Variants in CFAP99 observed in about 807,000 individuals in gnomAD.
CFAP99 encodes the protein cilia- and flagella-associated protein 99.
A neutral mutation model predicts 82.7 loss-of-function variants in CFAP99; 84 were observed. The observed-to-expected ratio is 1.02, with a 90% confidence interval of 0.85 to 1.22. CFAP99 has a LOEUF of 1.22. Ranked by LOEUF, CFAP99 falls within the 50% of genes most tolerant of loss-of-function variation. The pLI is 0.00. For synonymous variants in CFAP99, 456 were observed against 429.5 expected, an observed-to-expected ratio of 1.06 and a Z score of -0.76; for missense variants, 1,059 against 983.5, an observed-to-expected ratio of 1.08 and a Z score of -1.03.
intron 4 of CFAP99, among the ~76,000 whole-genome samples, chr4:2,442,882 C>T (rs1036183751): frequency 2.1e-5 from 3 of 144,400 alleles, no homozygotes; most frequent in Non-Finnish European, 3.0e-5. Flanking sequence ...GCAGGGAGCT[C>T]ACTGGGGGTG....
At chr4:2,440,546 G>C (rs914047119) in intron 4 of CFAP99, among the ~76,000 whole-genome samples, 5 of 151,928 alleles carry the variant, frequency 3.3e-5, no homozygotes, top group African/African-American at 1.2e-4. Context: ...GAGCCCAGGA[G>C]ATCAAGACCA....
chr4:2,460,204 G>A lies in CFAP99; in HGVS notation c.1623G>A (p.Ser541=), dbSNP rs746230298. Residue 541 remains serine (S), a synonymous_variant, in exon 14 of 15, where the codon TCG becomes TCA. Coordinates refer to ENST00000635017, the Ensembl canonical transcript of CFAP99. The stretch of plus-strand genomic sequence containing the variant: ...TGCAGAACATGGTGGAGCAGATCTC[G>A]CTGTGCCGTGCAGCCATGGGGAGAT... The A allele has an allele frequency of 1.2e-4, 178 of 1,536,018 alleles. No homozygotes were observed. The Middle Eastern group carries it at 1.2e-3, about 10-fold the overall frequency.
chr4:2,451,049 T>C (rs1417058794), intron 9 of CFAP99, 31 bp downstream of exon 9: 3 of 1,522,880 alleles, frequency 2.0e-6, no homozygotes, highest in East Asian at 4.9e-5. Flanking sequence ...GTCAGGCTGC[T>C]CTCCCTGGGC....
intron 11 of CFAP99, among the ~76,000 whole-genome samples, chr4:2,457,521 G>A (rs1440008422): frequency 6.6e-6 from 1 of 152,204 alleles, no homozygotes; most frequent in East Asian, 1.9e-4. Context: ...GGCTGCCCCT[G>A]GCCCCTGAGT....
chr4:2,449,126 T>G (rs1734242344), intron 6 of CFAP99, among the ~76,000 whole-genome samples: 1 of 152,030 alleles, frequency 6.6e-6, no homozygotes, highest in Non-Finnish European at 1.5e-5. Context: ...CAGGGATATC[T>G]AGGCCGGCCC....
At position 2,446,742 on chromosome 4, in the gene CFAP99, C is replaced by T. The variant is rs1038050137; in HGVS notation, c.642+1434C>T. ...AGCCTAGTCATGGCTCAAAGCAGAA[C>T]CTCAGTAAATACCAGTTGGATGGAT... is the stretch of plus-strand genomic sequence containing the variant. On this transcript the variant is annotated intron_variant, in intron 6 of 14. Transcript: ENST00000635017. The surrounding 1 kb of genome is among the most constrained non-coding windows in gnomAD (Gnocchi z 5.0). 6.6e-6 allele frequency among the ~76,000 whole-genome samples: 1 copy of T among 152,126 alleles called. No homozygotes were observed. Among genetic ancestry groups the T allele is most frequent in the South Asian group, 2.1e-4 (1 of 4,826 alleles).
At chr4:2,458,833 G>T in exon 12 of CFAP99, 2 of 1,535,794 alleles carry the variant, frequency 1.3e-6, no homozygotes. Flanking sequence ...AGGCGGCCCA[G>T]ACGAAGCTCG....
At chr4:2,440,015 G>A (rs113068008) in intron 4 of CFAP99, among the ~76,000 whole-genome samples, 118 of 150,980 alleles carry the variant, frequency 7.8e-4, no homozygotes, top group Admixed American at 6.0e-4. Flanking sequence ...GCTAATTTTT[G>A]TATTTTAGTA....
At chr4:2,444,917 G>A (rs3128842) in intron 5 of CFAP99, among the ~76,000 whole-genome samples, 115,736 of 151,992 alleles carry the variant, frequency 0.76, 44,183 homozygotes, top group Admixed American at 0.79. Context: ...TCTGTACAAG[G>A]GGACTGCGTC....
At chr4:2,438,212 G>T (rs1733961146) in intron 4 of CFAP99, 48 bp downstream of exon 4, 2 of 1,083,142 alleles carry the variant, frequency 1.8e-6, no homozygotes, top group East Asian at 5.2e-5. Context: ...CACGGGTGAG[G>T]TCCGTCTGAT....
rs141923262 is a variant in CFAP99 at position 2,444,447 on chromosome 4, C to T, written c.465-684C>T. Among the ~76,000 whole-genome samples the T allele has an allele frequency of 1.6e-4, 24 of 152,332 alleles. No individual in the cohort carries two copies. The East Asian group carries it at 4.6e-3, about 29-fold the overall frequency. ...TTGCTATGGGCCCTGGACCATGGCT[C>T]TTAAGGTGAGGGAGGAGCTATTTGA... On this transcript the variant is annotated intron_variant, in intron 5 of 14. Transcript: ENST00000635017.
intron 14 of CFAP99, among the ~76,000 whole-genome samples, chr4:2,460,481 C>T (rs779961101): frequency 1.3e-5 from 2 of 152,214 alleles, no homozygotes; most frequent in Non-Finnish European, 2.9e-5. Context: ...GTCATTTTTG[C>T]ACCCAGCTCA....
In CFAP99 at chr4:2,456,416, C is replaced by T. The variant is rs1289730019; in HGVS notation, c.1162-2307C>T. 2.0e-5 allele frequency among the ~76,000 whole-genome samples: 3 copies of T among 152,060 alleles called. 1 individual carries two copies. On this transcript the variant is annotated intron_variant, in intron 11 of 14. Transcript: ENST00000635017. Reference sequence around the variant, plus strand: ...TTATGGCTGGATGCGGTGGCTCACACCTGTAGTCACGGCACTTTGGGAGGC... The same window carrying T: ...TTATGGCTGGATGCGGTGGCTCACATCTGTAGTCACGGCACTTTGGGAGGC...
chr4:2,438,197 A>T (rs1371487431), intron 4 of CFAP99, 33 bp downstream of exon 4: 1 of 1,307,432 alleles, frequency 7.6e-7, no homozygotes, highest in East Asian at 2.5e-5. Context: ...CCAGGCCACG[A>T]GGCCCACGGG....
At chr4:2,454,581 C>CTTTTTTTTTTTTTTTTTTTTTTTT (rs200727697) in intron 11 of CFAP99, among the ~76,000 whole-genome samples, 16 of 94,704 alleles carry the variant, frequency 1.7e-4, no homozygotes, top group Non-Finnish European at 2.1e-4. Context: ...TGTTTTTTTT[C>CTTTTTTTTTTTTTTTTTTTTTTTT]TTTTTTTTTT....
rs375192359 is a variant in CFAP99 at position 2,462,448 on chromosome 4, A to C, written c.1667A>C (p.Glu556Ala). The change falls in exon 15 of 15, where the codon GAG becomes GCG. Residue 556 changes from glutamate (E) to alanine (A), a missense_variant. Transcript: ENST00000635017. The surrounding 1 kb of genome is among the most constrained non-coding windows in gnomAD (Gnocchi z 4.1). ...CCCGCCGCGTCGCCCGCCAGGTGGGAGGAAAAGAAGGCCCTTGCGGCGGCC... is the reference window on the plus strand; with the variant it reads ...CCCGCCGCGTCGCCCGCCAGGTGGGCGGAAAAGAAGGCCCTTGCGGCGGCC... 13 of 1,454,088 alleles carry C rather than the reference A, an allele frequency of 8.9e-6. No individual in the cohort carries two copies. The African/African-American group carries it at 1.2e-4, about 13-fold the overall frequency. The allele number at this position is 1,454,088 out of a possible 1,614,324, so 90.1% of individuals were successfully genotyped here. A position where few individuals can be genotyped will look rare whatever the true frequency, so the allele number is the denominator to read the frequency against.
chr4:2,429,700 T>C (rs1733758744), intron 2 of CFAP99, among the ~76,000 whole-genome samples: 1 of 151,956 alleles, frequency 6.6e-6, no homozygotes, highest in Non-Finnish European at 1.5e-5. Context: ...CACGCCATTC[T>C]CCTGCCTCAG....
At chr4:2,453,652 T>A (rs1188576076) in intron 11 of CFAP99, among the ~76,000 whole-genome samples, 2 of 40,030 alleles carry the variant, frequency 5.0e-5, no homozygotes, top group Admixed American at 6.4e-4. Context: ...CACATATACA[T>A]ATATAAATGA....
At chr4:2,433,404 A>G (rs1733839652) in intron 2 of CFAP99, among the ~76,000 whole-genome samples, 2 of 149,466 alleles carry the variant, frequency 1.3e-5, no homozygotes, top group Admixed American at 1.3e-4. Flanking sequence ...CTCCTCTGAC[A>G]AGATGTTGTC....
Sources: gnomAD v4.1 joint callset for allele counts (sites outside exome capture counted in the v4.1 genomes callset) on GRCh38, gnomAD v4.1.1 for gene constraint, Gnocchi (gnomAD v3.1) non-coding constraint, MANE v1.5 for transcripts, NCBI Gene and HGNC (gene_info 2026-07-23, HGNC 2026-07-21) for gene names.